Variants in ZNF385D observed in about 807,000 individuals in gnomAD.
ZNF385D encodes zinc finger protein 385D.
Under a neutral mutation model 35.8 loss-of-function variants are expected in ZNF385D, and 15 were observed. The observed-to-expected ratio is 0.42, with a 90% CI of 0.28 to 0.64. The LOEUF (loss-of-function observed/expected upper bound fraction) is 0.64. Among genes scored for constraint, ZNF385D ranks in the 30% least tolerant of loss-of-function variants. The pLI, the probability that ZNF385D is intolerant of heterozygous loss-of-function variation, is 0.23. For missense variants in ZNF385D, 474 were observed against 494.6 expected (o/e 0.96, Z 0.39); for synonymous variants, 212 against 186.8 (o/e 1.13, Z -1.10).
chr3:21,634,596 G>A (rs2065375843), intron 2 of ZNF385D, among the ~76,000 whole-genome samples: 1 of 151,906 alleles, frequency 6.6e-6, no homozygotes, highest in Non-Finnish European at 1.5e-5. Context: ...AATAAAATGT[G>A]AATATCAGAT....
At chr3:21,978,332 T>A (rs1262545072) in intron 3 of ZNF385D, 2 of 152,244 alleles carry the variant, frequency 1.3e-5, no homozygotes, top group African/African-American at 4.8e-5. Context: ...CTGTTACTGG[T>A]ATGATCTAAA....
intron 3 of ZNF385D, among the ~76,000 whole-genome samples, chr3:21,791,829 G>C (rs2071941128): frequency 6.6e-6 from 1 of 152,080 alleles, no homozygotes; most frequent in South Asian, 2.1e-4. Flanking sequence ...CCGACTCCCT[G>C]GTTCAAGCAA....
chr3:22,044,097 T>G (rs1295042976), intron 3 of ZNF385D, among the ~76,000 whole-genome samples: 1 of 148,348 alleles, frequency 6.7e-6, no homozygotes, highest in African/African-American at 2.5e-5. Context: ...GAAAAACTTT[T>G]TTTTTTTTTT....
chr3:22,352,533 A>C (rs1460131411), intron 2 of ZNF385D, among the ~76,000 whole-genome samples: 2 of 152,124 alleles, frequency 1.3e-5, no homozygotes, highest in Non-Finnish European at 2.9e-5. Context: ...ATTTCTTTGG[A>C]TCTTTGATTC....
chr3:21,780,301 T>C (rs745914674), intron 3 of ZNF385D, among the ~76,000 whole-genome samples: 11 of 152,012 alleles, frequency 7.2e-5, no homozygotes, highest in Non-Finnish European at 1.2e-4. Context: ...ACAGTGCTCA[T>C]GGCCAAAGTG....
chr3:22,259,472 T>C (rs1286762447), intron 2 of ZNF385D, among the ~76,000 whole-genome samples: 1 of 151,972 alleles, frequency 6.6e-6, no homozygotes, highest in Non-Finnish European at 1.5e-5. Flanking sequence ...CATTCTATGA[T>C]AAAATGCAAG....
chr3:22,213,831 C>G (rs1697680390), intron 2 of ZNF385D, among the ~76,000 whole-genome samples: 1 of 152,036 alleles, frequency 6.6e-6, no homozygotes, highest in Non-Finnish European at 1.5e-5. Flanking sequence ...TAATTAAAAT[C>G]CTAAGTCCCA....
At chr3:21,895,225 C>T (rs1408535430) in intron 3 of ZNF385D, among the ~76,000 whole-genome samples, 1 of 145,746 alleles carries the variant, frequency 6.9e-6, no homozygotes, top group Admixed American at 6.9e-5. Context: ...TAAGTATATT[C>T]AAAAAGATAG....
chr3:21,656,375 T>C (rs111740519), intron 2 of ZNF385D, among the ~76,000 whole-genome samples: 1 of 151,980 alleles, frequency 6.6e-6, no homozygotes, highest in Non-Finnish European at 1.5e-5. Context: ...AGGGTTGGTT[T>C]CTTCTGAAGA....
intron 3 of ZNF385D, among the ~76,000 whole-genome samples, chr3:21,910,294 T>C (rs1412205782): frequency 6.6e-6 from 1 of 151,996 alleles, no homozygotes; most frequent in African/African-American, 2.4e-5. Flanking sequence ...AGGTTGCATA[T>C]GTTTTACGTA....
At position 21,945,145 on chromosome 3, in the gene ZNF385D, C is replaced by CGTATATGTATAT. The variant is rs1491139694; in HGVS notation, c.325+223671_325+223672insATATACATATAC. ...ACGTGTGTGTATATATATGTATATGCATATATATATACACACACATATATA... is the reference window on the plus strand; with the variant it reads ...ACGTGTGTGTATATATATGTATATGCGTATATGTATATATATATATATACACACACATATATA... On this transcript the variant is annotated intron_variant, in intron 3 of 5. Transcript: ENST00000494108. 2.0e-4 allele frequency among the ~76,000 whole-genome samples: 31 copies of CGTATATGTATAT among 151,242 alleles called. 1 individual carries two copies. The highest frequency in any genetic ancestry group is 7.3e-4 in the Admixed American group (11 of 15,098).
At chr3:22,040,787 A>G (rs1343082007) in intron 3 of ZNF385D, among the ~76,000 whole-genome samples, 1 of 152,214 alleles carries the variant, frequency 6.6e-6, no homozygotes, top group East Asian at 1.9e-4. Flanking sequence ...AATTTCAAAT[A>G]CATTGACAGA....
intron 2 of ZNF385D, among the ~76,000 whole-genome samples, chr3:22,287,027 A>C (rs1266641201): frequency 6.6e-6 from 1 of 150,390 alleles, no homozygotes; most frequent in Non-Finnish European, 1.5e-5. Flanking sequence ...CATATATTTT[A>C]ATAACTTCTT....
intron 1 of ZNF385D, among the ~76,000 whole-genome samples, chr3:21,721,049 A>G (rs972242227): frequency 6.6e-6 from 1 of 152,204 alleles, no homozygotes; most frequent in Non-Finnish European, 1.5e-5. Flanking sequence ...TCTTATCAAA[A>G]GAAAGTTGTA....
At position 21,418,392 on chromosome 3, in the gene ZNF385D, G is replaced by A. The variant is rs752042850; in HGVS notation, c.*2822C>T. The A allele has an allele frequency of 3.9e-5, 6 of 152,124 alleles. No individual in the cohort carries two copies. Among genetic ancestry groups the A allele is most frequent in the Non-Finnish European group, 8.8e-5 (6 of 68,004 alleles). The allele number at this position is 152,124 out of a possible 1,614,324, so 9.4% of individuals were successfully genotyped here. On this transcript the variant is annotated 3_prime_UTR_variant, in exon 8 of 8. Transcript: ENST00000281523. ...GTATTGGTAAATATATGGAGTGTGGGGGAAACAACTCACAGAGAATCCACT... is the reference window on the plus strand; with the variant it reads ...GTATTGGTAAATATATGGAGTGTGGAGGAAACAACTCACAGAGAATCCACT...
At chr3:21,673,080 AG>A (rs1273164020) in intron 1 of ZNF385D, among the ~76,000 whole-genome samples, 2 of 152,132 alleles carry the variant, frequency 1.3e-5, no homozygotes, top group African/African-American at 2.4e-5. Flanking sequence ...GTTTACTGCT[AG>A]TGATATAGAA....
chr3:22,240,049 G>A (rs1216382844), intron 2 of ZNF385D, among the ~76,000 whole-genome samples: 10 of 149,866 alleles, frequency 6.7e-5, no homozygotes, highest in Non-Finnish European at 1.2e-4. Context: ...CAGGTATGGT[G>A]GCACATGCCT....
intron 2 of ZNF385D, among the ~76,000 whole-genome samples, chr3:22,189,995 T>A (rs1243182131): frequency 6.6e-6 from 1 of 152,118 alleles, no homozygotes; most frequent in African/African-American, 2.4e-5. Context: ...TCTAACACAC[T>A]TTTGCCCTGA....
chr3:21,703,889 C>A (rs537297286), intron 1 of ZNF385D, among the ~76,000 whole-genome samples: 8 of 152,314 alleles, frequency 5.3e-5, no homozygotes, highest in African/African-American at 1.4e-4. Flanking sequence ...CTACACCATA[C>A]ACTCTAGCAC....
Sources: allele counts gnomAD v4.1 joint callset (sites outside exome capture counted in the v4.1 genomes callset), GRCh38; gene constraint gnomAD v4.1.1; transcripts MANE v1.5; gene names NCBI Gene and HGNC (gene_info 2026-07-23, HGNC 2026-07-21).